Variants in TENM3 observed in about 807,000 individuals in gnomAD.
TENM3 encodes the protein teneurin transmembrane protein 3.
A neutral mutation model predicts 255.1 loss-of-function variants in TENM3; 63 were observed. The ratio of observed to expected loss-of-function variants is 0.25; its 90% CI spans 0.20 to 0.30. The LOEUF (loss-of-function observed/expected upper bound fraction) is 0.30, where lower values mean the gene tolerates loss of function less well. Among genes scored for constraint, TENM3 ranks in the 10% least tolerant of loss-of-function variants. The pLI is 1.00. For synonymous variants in TENM3, 1,306 were observed against 1,322.3 expected, an observed-to-expected ratio of 0.99 and a Z score of 0.27; for missense variants, 2,929 against 3,461.1, an observed-to-expected ratio of 0.85 and a Z score of 3.86.
chr4:181,841,325 T>C, the TENM3 span, among the ~76,000 whole-genome samples: 2 of 152,238 alleles, frequency 1.3e-5, no homozygotes, highest in African/African-American at 2.4e-5. Flanking sequence ...CATGTTAAAA[T>C]TGCATTTTCC....
intron 1 of TENM3, among the ~76,000 whole-genome samples, chr4:182,256,442 G>A (rs941046634): frequency 2.0e-5 from 3 of 152,136 alleles, no homozygotes; most frequent in Non-Finnish European, 2.9e-5. Context: ...ATATATATAA[G>A]CAGTTAATTT....
chr4:182,174,828 A>G (rs1319560614), intron 1 of TENM3, among the ~76,000 whole-genome samples: 1 of 152,180 alleles, frequency 6.6e-6, no homozygotes, highest in African/African-American at 2.4e-5. Context: ...CTCCTTTCTA[A>G]TTGAAAGAAT....
At chr4:181,769,788 G>A in the TENM3 span, among the ~76,000 whole-genome samples, 1 of 152,076 alleles carries the variant, frequency 6.6e-6, no homozygotes, top group African/African-American at 2.4e-5. Flanking sequence ...ATAATATGTA[G>A]GAGGAATTGG....
At chr4:182,055,031 T>C in the TENM3 span, among the ~76,000 whole-genome samples, 1 of 152,094 alleles carries the variant, frequency 6.6e-6, no homozygotes, top group East Asian at 1.9e-4. Context: ...CAGTTGGAAG[T>C]AACATTTACT....
intron 1 of TENM3, among the ~76,000 whole-genome samples, chr4:182,155,777 A>G (rs915841922): frequency 6.6e-6 from 1 of 152,202 alleles, no homozygotes; most frequent in Non-Finnish European, 1.5e-5. Flanking sequence ...GGTTTAATAC[A>G]TATCTTAAAT....
chr4:181,507,110 G>C, the TENM3 span, among the ~76,000 whole-genome samples: 68 of 152,228 alleles, frequency 4.5e-4, 1 homozygote, highest in Non-Finnish European at 8.5e-4. Flanking sequence ...ACCTGATCTC[G>C]TGGCATCTGG....
chr4:182,643,781 T>C (rs1442466634), intron 5 of TENM3, among the ~76,000 whole-genome samples: 1 of 152,216 alleles, frequency 6.6e-6, no homozygotes, highest in Non-Finnish European at 1.5e-5. Context: ...AGATTCCTTT[T>C]GGAAGTGTAC....
chr4:182,379,305 C>CG (rs11450373), intron 3 of TENM3, among the ~76,000 whole-genome samples: 133,541 of 152,006 alleles, frequency 0.88, 59,026 homozygotes, highest in African/African-American at 0.91. Flanking sequence ...TGCAGTGAGC[C>CG]GAGATTCTGC....
At chr4:182,652,788 T>A (rs1343145324) in intron 5 of TENM3, among the ~76,000 whole-genome samples, 1 of 151,630 alleles carries the variant, frequency 6.6e-6, no homozygotes, top group Non-Finnish European at 1.5e-5. Context: ...TCTAAAAATA[T>A]CAAAAAAAAG....
chr4:182,370,704 C>T (rs1203091190), intron 3 of TENM3, among the ~76,000 whole-genome samples: 1 of 152,164 alleles, frequency 6.6e-6, no homozygotes, highest in Non-Finnish European at 1.5e-5. Flanking sequence ...TGAGATACTA[C>T]AGGCTCTTAA....
the TENM3 span, among the ~76,000 whole-genome samples, chr4:181,740,072 A>G: frequency 5.9e-5 from 9 of 152,176 alleles, no homozygotes; most frequent in East Asian, 1.2e-3. Context: ...ACCAAAGCAC[A>G]TACCGAAATG....
At chr4:181,629,851 T>A in the TENM3 span, among the ~76,000 whole-genome samples, 1 of 152,234 alleles carries the variant, frequency 6.6e-6, no homozygotes, top group Non-Finnish European at 1.5e-5. Flanking sequence ...GCCGACCTCA[T>A]AAAATGAGTT....
the TENM3 span, among the ~76,000 whole-genome samples, chr4:181,555,377 G>T: frequency 1.3e-5 from 2 of 152,162 alleles, no homozygotes; most frequent in Admixed American, 1.3e-4. Flanking sequence ...ATTGTAAGTG[G>T]ACAGAAAAGT....
chr4:182,381,202 G>T (rs528138287), intron 3 of TENM3, among the ~76,000 whole-genome samples: 1 of 152,326 alleles, frequency 6.6e-6, no homozygotes, highest in East Asian at 1.9e-4. Flanking sequence ...CCCGACAGGG[G>T]GAAGTCACAG....
intron 3 of TENM3, among the ~76,000 whole-genome samples, chr4:182,474,892 G>A (rs1447410273): frequency 4.6e-5 from 7 of 151,554 alleles, no homozygotes; most frequent in South Asian, 2.1e-4. Context: ...TCCCATTATC[G>A]CTGCTCCCTA....
chr4:181,816,022 A>G, the TENM3 span, among the ~76,000 whole-genome samples: 5 of 152,196 alleles, frequency 3.3e-5, no homozygotes, highest in African/African-American at 7.2e-5. Flanking sequence ...ATATCTTTCC[A>G]TTGATTTGCA....
chr4:181,554,790 C>T, the TENM3 span, among the ~76,000 whole-genome samples: 2 of 152,218 alleles, frequency 1.3e-5, no homozygotes, highest in Admixed American at 6.5e-5. Context: ...GAAATAGTGG[C>T]TGATACGGAA....
the TENM3 span, among the ~76,000 whole-genome samples, chr4:181,771,334 G>A: frequency 2.0e-5 from 3 of 152,328 alleles, no homozygotes; most frequent in East Asian, 5.8e-4. Context: ...TAGTTCAAAT[G>A]TAATAGGTGA....
At chr4:181,581,802 G>A in the TENM3 span, among the ~76,000 whole-genome samples, 1 of 150,592 alleles carries the variant, frequency 6.6e-6, no homozygotes, top group Non-Finnish European at 1.5e-5. Flanking sequence ...GTGCCATCTC[G>A]GCTCACTGCA....
Sources: gnomAD v4.1 joint callset for allele counts (sites outside exome capture counted in the v4.1 genomes callset) on GRCh38, gnomAD v4.1.1 for gene constraint, MANE v1.5 for transcripts, NCBI Gene and HGNC (gene_info 2026-07-23, HGNC 2026-07-21) for gene names.